NAALADL2: variants seen among roughly 807,000 people sequenced by gnomAD.
NAALADL2 encodes the protein N-acetylated alpha-linked acidic dipeptidase like 2, also known as inactive N-acetylated-alpha-linked acidic dipeptidase-like protein 2.
Under a neutral mutation model 87.2 loss-of-function variants are expected in NAALADL2, and 76 were observed. The observed-to-expected ratio is 0.87, with a 90% CI of 0.72 to 1.05. The LOEUF (loss-of-function observed/expected upper bound fraction) is 1.05. Ranked by LOEUF, NAALADL2 falls within the 50% of genes least tolerant of loss-of-function variation. The probability of loss-of-function intolerance (pLI) is 0.00; values close to 1 mark genes in which losing one functional copy is unlikely to be tolerated. For missense variants in NAALADL2, 1,089 were observed against 945.8 expected (o/e 1.15, Z -1.99); for synonymous variants, 354 against 331.0 (o/e 1.07, Z -0.75).
At chr3:174,894,594 C>CAAAAAAAAAAAA (rs869161862) in intron 1 of NAALADL2, among the ~76,000 whole-genome samples, 16 of 48,472 alleles carry the variant, frequency 3.3e-4, no homozygotes, top group East Asian at 5.2e-4. Context: ...AACTCCGTCT[C>CAAAAAAAAAAAA]AAAAAAAAAA....
intron 1 of NAALADL2, among the ~76,000 whole-genome samples, chr3:175,031,231 C>A (rs1752760140): frequency 6.6e-6 from 1 of 151,798 alleles, no homozygotes; most frequent in African/African-American, 2.4e-5. Flanking sequence ...GTTTCATCAC[C>A]CAGGTAGCCT....
chr3:175,358,432 T>G (rs1764620193), intron 5 of NAALADL2, among the ~76,000 whole-genome samples: 1 of 151,990 alleles, frequency 6.6e-6, no homozygotes, highest in South Asian at 2.1e-4. Flanking sequence ...TATTTTATTG[T>G]GAAATCAACA....
chr3:175,777,239 C>G (rs1750367674), intron 13 of NAALADL2, among the ~76,000 whole-genome samples: 1 of 151,702 alleles, frequency 6.6e-6, no homozygotes, highest in South Asian at 2.1e-4. Context: ...AAAATAAATC[C>G]AAAAGCAGTT....
At chr3:174,709,053 T>C (rs912648221) in intron 2 of NAALADL2, among the ~76,000 whole-genome samples, 2 of 152,150 alleles carry the variant, frequency 1.3e-5, no homozygotes, top group African/African-American at 4.8e-5. Context: ...GCATTCATAA[T>C]ATAGGTACAA....
chr3:175,005,000 A>T (rs1194068701), intron 1 of NAALADL2, among the ~76,000 whole-genome samples: 1 of 152,184 alleles, frequency 6.6e-6, no homozygotes, highest in Non-Finnish European at 1.5e-5. Context: ...TGGCACCTGA[A>T]AAACAGAAAA....
At chr3:175,487,983 G>A (rs1242376621) in intron 9 of NAALADL2, among the ~76,000 whole-genome samples, 3 of 152,114 alleles carry the variant, frequency 2.0e-5, no homozygotes, top group African/African-American at 7.2e-5. Flanking sequence ...CCAAAACAAA[G>A]CAAACACTAC....
intron 5 of NAALADL2, among the ~76,000 whole-genome samples, chr3:175,371,361 G>A (rs1350458375): frequency 3.3e-5 from 5 of 152,026 alleles, no homozygotes; most frequent in African/African-American, 1.2e-4. Flanking sequence ...TCCGCCCCCC[G>A]GGTTCTCGCC....
At position 174,971,642 on chromosome 3, in the gene NAALADL2, A is replaced by G. The variant is rs1006436767; in HGVS notation, c.43+112192A>G. On this transcript the variant is annotated intron_variant, in intron 1 of 13. Transcript: ENST00000454872. ...ACCTTCCCTTTTTTAGGTGCCTTCA[A>G]CTCAAACAGTCAGTATGCTAGACTG... Among the ~76,000 whole-genome samples the G allele has an allele frequency of 5.3e-5, 8 of 149,694 alleles. 1 individual carries two copies. Among genetic ancestry groups the G allele is most frequent in the African/African-American group, 1.2e-4 (5 of 40,360 alleles).
chr3:175,004,111 A>G (rs780428994), intron 1 of NAALADL2, among the ~76,000 whole-genome samples: 2 of 152,104 alleles, frequency 1.3e-5, no homozygotes, highest in Non-Finnish European at 2.9e-5. Context: ...AATGGTAGCT[A>G]ATGCCTGTAA....
At chr3:174,633,727 G>C (rs922630217) in intron 2 of NAALADL2, among the ~76,000 whole-genome samples, 4 of 152,134 alleles carry the variant, frequency 2.6e-5, no homozygotes, top group Non-Finnish European at 5.9e-5. Context: ...GGAGTTGCTA[G>C]ATTTGATGTG....
chr3:175,249,410 T>G (rs1748596367), intron 3 of NAALADL2, among the ~76,000 whole-genome samples: 3 of 152,134 alleles, frequency 2.0e-5, no homozygotes, highest in Admixed American at 6.5e-5. Flanking sequence ...TATTAAACAA[T>G]TTGACACAAA....
chr3:175,758,845 C>T (rs1196231924), intron 13 of NAALADL2, among the ~76,000 whole-genome samples: 2 of 151,874 alleles, frequency 1.3e-5, no homozygotes, highest in African/African-American at 4.8e-5. Flanking sequence ...AAGAATCTCA[C>T]TCTCTAACCC....
intron 3 of NAALADL2, among the ~76,000 whole-genome samples, chr3:174,829,463 G>T (rs1370881801): frequency 1.4e-5 from 2 of 139,762 alleles, no homozygotes; most frequent in African/African-American, 5.5e-5. Flanking sequence ...TTTTATGGCT[G>T]CATAGTATTC....
intron 12 of NAALADL2, among the ~76,000 whole-genome samples, chr3:175,737,728 T>TTTTTTTTTTTTTTTTTTTTTTTTG (rs1744699966): frequency 7.1e-6 from 1 of 141,690 alleles, no homozygotes; most frequent in African/African-American, 2.7e-5. Flanking sequence ...TTTTTTTTTT[T>TTTTTTTTTTTTTTTTTTTTTTTTG]TTTTTTTTTT....
chr3:175,089,189 G>T, intron 1 of NAALADL2, among the ~76,000 whole-genome samples: 1 of 152,100 alleles, frequency 6.6e-6, no homozygotes, highest in Non-Finnish European at 1.5e-5. Flanking sequence ...AGATCTGTCA[G>T]GTCCTGAATA....
intron 1 of NAALADL2, among the ~76,000 whole-genome samples, chr3:174,867,098 A>T (rs1727241794): frequency 6.6e-6 from 1 of 151,920 alleles, no homozygotes; most frequent in Non-Finnish European, 1.5e-5. Flanking sequence ...AAAGGAGTCT[A>T]TGTAAAATAT....
intron 4 of NAALADL2, among the ~76,000 whole-genome samples, chr3:175,292,109 C>T (rs1755711273): frequency 6.6e-6 from 1 of 152,180 alleles, no homozygotes; most frequent in Non-Finnish European, 1.5e-5. Context: ...TCTCTCTCTT[C>T]CCCATCTGAT....
chr3:175,500,522 G>T (rs1729395069), intron 9 of NAALADL2, among the ~76,000 whole-genome samples: 1 of 151,888 alleles, frequency 6.6e-6, no homozygotes, highest in South Asian at 2.1e-4. Context: ...CTTCTAATGG[G>T]GGCCTCCCAT....
intron 5 of NAALADL2, among the ~76,000 whole-genome samples, chr3:175,419,721 T>A (rs1715331144): frequency 6.6e-6 from 1 of 151,938 alleles, no homozygotes; most frequent in African/African-American, 2.4e-5. Context: ...ATATAAGTAT[T>A]TAAGAAATTT....
Sources: allele counts gnomAD v4.1 joint callset (sites outside exome capture counted in the v4.1 genomes callset), GRCh38; gene constraint gnomAD v4.1.1; transcripts MANE v1.5; gene names NCBI Gene and HGNC (gene_info 2026-07-23, HGNC 2026-07-21).